TBC1D17: variants seen among roughly 807,000 people sequenced by gnomAD.
TBC1D17 encodes TBC1 domain family, member 17.
TBC1D17 carries 69 observed loss-of-function variants against 78.8 expected under a neutral mutation model. The observed-to-expected ratio is 0.88, with a 90% CI of 0.72 to 1.07. The LOEUF (loss-of-function observed/expected upper bound fraction) is 1.07, where lower values mean the gene tolerates loss of function less well. TBC1D17 is among the 50% of genes least tolerant of loss of function. The pLI is 0.00. For missense variants in TBC1D17, 957 were observed against 861.0 expected (o/e 1.11, Z -1.39); for synonymous variants, 456 against 358.3 (o/e 1.27, Z -3.08).
At position 49,887,559 on chromosome 19, in the gene TBC1D17, C is replaced by T. The variant is rs202045956; in HGVS notation, c.1528C>T (p.Leu510Phe). Residue 510 changes from leucine (L) to phenylalanine (F), a missense_variant, in exon 14 of 17, where the codon CTT becomes TTT. Transcript: ENST00000221543. ...FKREFPFPDV[L>F]RLWEVLWTGL... ...GAGGGAATTCCCCTTCCCGGATGTC[C>T]TTCGGCTGTGGGAGGTGGGCCAGCC... 1.5e-5 allele frequency: 24 copies of T among 1,614,162 alleles called. No individual in the cohort carries two copies. The South Asian group carries it at 2.0e-4, about 13-fold the overall frequency.
At position 49,881,354 on chromosome 19, in the gene TBC1D17, C is replaced by T; in HGVS notation, c.406C>T (p.Leu136Phe). The T allele has an allele frequency of 6.2e-7, 1 of 1,613,404 alleles. No homozygotes were observed. The highest frequency in any genetic ancestry group is 1.1e-5 in the South Asian group (1 of 91,078). ...GTCCATCCGCCGCTCCAAGCCAGGCCTCAGCTGGGCCTACCTGGTTCTGGT... is the reference window on the plus strand; with the variant it reads ...GTCCATCCGCCGCTCCAAGCCAGGCTTCAGCTGGGCCTACCTGGTTCTGGT... ...LKSIRRSKPG[L>F]SWAYLVLVTQ... Residue 136 changes from leucine (L) to phenylalanine (F), a missense_variant, in exon 5 of 17, where the codon CTC becomes TTC. Leu to Phe is a conservative substitution (Grantham distance 22). Coordinates refer to ENST00000221543, the MANE Select transcript of TBC1D17 (RefSeq NM_024682.3).
At chr19:49,880,456 C>T (rs1483659977) in intron 4 of TBC1D17, 54 bp downstream of exon 4, 1 of 1,593,148 alleles carries the variant, frequency 6.3e-7, no homozygotes, top group African/African-American at 1.3e-5. Context: ...TAGGACACAT[C>T]TTGCCCTCAG....
Position 49,882,045 on chromosome 19 carries a change from C to T in TBC1D17, c.532C>T (p.Pro178Ser), listed in dbSNP as rs749077533. 1 of 1,613,688 alleles carries T rather than the reference C, an allele frequency of 6.2e-7. No homozygotes were observed. The highest frequency in any genetic ancestry group is 1.7e-5 in the Admixed American group (1 of 60,006). The change falls in exon 6 of 17, where the codon CCG becomes TCG. Residue 178 changes from proline (P) to serine (S), a missense_variant. Pro to Ser is a moderately conservative substitution (Grantham distance 74). Transcript: ENST00000221543. ...GCGTCACCTCCCGCCTCCCAGCTCCCCGCAGGACTCCCGCCTCTACCTTGT... is the reference window on the plus strand; with the variant it reads ...GCGTCACCTCCCGCCTCCCAGCTCCTCGCAGGACTCCCGCCTCTACCTTGT... ...LSRYLLLASSPQDSRLYLVFP... is the reference protein window; with the variant it reads ...LSRYLLLASSSQDSRLYLVFP...
chr19:49,888,052 C>T lies in TBC1D17; in HGVS notation c.1660-179C>T, dbSNP rs937536569. 3.6e-6 allele frequency: 4 copies of T among 1,120,508 alleles called. No homozygotes were observed. In the African/African-American group the frequency reaches 4.6e-5, roughly 13 times the overall value. 69.4% of individuals were successfully genotyped at this position (1,120,508 alleles called of 1,614,324 possible). The stretch of plus-strand genomic sequence containing the variant: ...CAGGTGGGTGGGGACCTTCCCTCCC[C>T]GAGTACGTGCTCAGAATGCTCCCGG... On this transcript the variant is annotated intron_variant, in intron 15 of 16. Coordinates refer to ENST00000221543, the MANE Select transcript of TBC1D17 (RefSeq NM_024682.3).
chr19:49,888,127 C>T, intron 15 of TBC1D17, 104 bp from the exon 16 acceptor site: 1 of 1,527,944 alleles, frequency 6.5e-7, no homozygotes, highest in Non-Finnish European at 8.8e-7. Flanking sequence ...CCCCAGAGGG[C>T]CAGCCCGGTG....
chr19:49,881,925 G>C (rs954223723), intron 5 of TBC1D17, 116 bp from the exon 6 acceptor site: 1 of 867,718 alleles, frequency 1.2e-6, no homozygotes, highest in Non-Finnish European at 1.9e-6. Context: ...GAAATGAGGG[G>C]TTGCCCAGGG....
In TBC1D17 at chr19:49,882,840, C is replaced by G. The variant is rs772292993; in HGVS notation, c.875C>G (p.Pro292Arg). The G allele has an allele frequency of 6.2e-7, 1 of 1,611,210 alleles. No homozygotes were observed. ...GAGGAGTGGGCACGCCACGTGGGCC[C>G]TGAAGGTCGCCTGCAGCAGGTCCCT... ...TEEEWARHVGPEGRLQQVPEL... is the reference protein window; with the variant it reads ...TEEEWARHVGREGRLQQVPEL... The change falls in exon 8 of 17, where the codon CCT becomes CGT. Residue 292 changes from proline (P) to arginine (R), a missense_variant. Transcript: ENST00000221543.
At chr19:49,881,592 A>G in intron 5 of TBC1D17, 117 bp downstream of exon 5, 2 of 1,022,030 alleles carry the variant, frequency 2.0e-6, no homozygotes, top group Non-Finnish European at 2.8e-6. Context: ...GCAGGCAAAG[A>G]GTTGACCAGC....
intron 2 of TBC1D17, 109 bp downstream of exon 2, chr19:49,878,350 G>A: frequency 8.0e-7 from 1 of 1,246,034 alleles, no homozygotes; most frequent in Non-Finnish European, 1.1e-6. Context: ...AGTGGGACCT[G>A]AAGAAGGCTG....
intron 9 of TBC1D17, 119 bp from the exon 10 acceptor site, chr19:49,883,532 G>T: frequency 1.3e-6 from 1 of 752,660 alleles, no homozygotes; most frequent in East Asian, 2.6e-5. Context: ...GACCTGCTTG[G>T]GTCTGTGTGG....
Position 49,887,458 on chromosome 19 carries a change from C to G in TBC1D17, c.1445-18C>G, listed in dbSNP as rs549295987. The stretch of plus-strand genomic sequence containing the variant: ...CCAGCGCTGGGCAAGGCTGAGTGGG[C>G]TCCATGTCATCCCCCAGATTCCCAG... On this transcript the variant is annotated intron_variant, in intron 13 of 16. Coordinates refer to ENST00000221543, the MANE Select transcript of TBC1D17 (RefSeq NM_024682.3). 6.2e-7 allele frequency: 1 copy of G among 1,611,582 alleles called. No homozygotes were observed. Among genetic ancestry groups the G allele is most frequent in the East Asian group, 2.2e-5 (1 of 44,876 alleles).
intron 13 of TBC1D17, 153 bp from the exon 14 acceptor site, chr19:49,887,323 C>T (rs2075066740): frequency 2.9e-6 from 2 of 684,496 alleles, no homozygotes; most frequent in Non-Finnish European, 5.1e-6. Flanking sequence ...GCAGGGCCCG[C>T]GTTCAGGGCT....
Position 49,881,474 on chromosome 19 carries a change from A to G in TBC1D17, c.526A>G (p.Ser176Gly). 6.2e-7 allele frequency: 1 copy of G among 1,607,674 alleles called. No homozygotes were observed. The highest frequency in any genetic ancestry group is 8.5e-7 in the Non-Finnish European group (1 of 1,179,526). The change falls in exon 5 of 17, where the codon AGC becomes GGC. Residue 176 changes from serine (S) to glycine (G), a missense_variant and splice_region_variant. Ser to Gly is a moderately conservative substitution (Grantham distance 56). Transcript: ENST00000221543. The part of the protein sequence containing the change: ...RVLSRYLLLA[S>G]SPQDSRLYLV... ...CCTCAGCCGCTACCTGCTGTTGGCC[A>G]GGTGAGCTCTCTCCCAGTGCTGGGC...
chr19:49,883,874 G>A (rs1366645362), intron 10 of TBC1D17, 129 bp downstream of exon 10: 1 of 787,542 alleles, frequency 1.3e-6, no homozygotes, highest in Admixed American at 2.2e-5. Context: ...GCATCTTGGG[G>A]GAAAGCTGCA....
intron 5 of TBC1D17, 135 bp downstream of exon 5, chr19:49,881,610 A>C: frequency 4.6e-6 from 4 of 866,862 alleles, no homozygotes; most frequent in South Asian, 1.8e-5. Context: ...AGCACATATA[A>C]CTAAAAAGTC....
intron 1 of TBC1D17, 185 bp from the exon 2 acceptor site, chr19:49,877,958 C>G: frequency 1.4e-6 from 1 of 718,760 alleles, no homozygotes; most frequent in Admixed American, 2.9e-5. Flanking sequence ...TTGAGCCCTG[C>G]CCCCTGTGGA....
At chr19:49,888,393 G>T in intron 16 of TBC1D17, 31 bp from the exon 17 acceptor site, 2 of 1,291,072 alleles carry the variant, frequency 1.5e-6, no homozygotes, top group East Asian at 1.0e-4. Flanking sequence ...TTCACCTTCC[G>T]CTTTTCGCTT....
chr19:49,882,490 G>C (rs1034595697), intron 7 of TBC1D17, 90 bp downstream of exon 7: 18 of 1,528,964 alleles, frequency 1.2e-5, no homozygotes, highest in Non-Finnish European at 1.6e-5. Context: ...TTCCTCTTTG[G>C]TAAAACGGGG....
At chr19:49,882,655 T>C in intron 7 of TBC1D17, 109 bp from the exon 8 acceptor site, 2 of 1,427,662 alleles carry the variant, frequency 1.4e-6, no homozygotes, top group Non-Finnish European at 1.8e-6. Context: ...TGCCCCTGAA[T>C]GTTAGTCATC....
Sources: gnomAD v4.1 joint callset for allele counts on GRCh38, gnomAD v4.1.1 for gene constraint, MANE v1.5 for transcripts, NCBI Gene and HGNC (gene_info 2026-07-23, HGNC 2026-07-21) for gene names.